The following GRIA1 variants were observed in gnomAD, a reference collection of about 807,000 sequenced individuals.
GRIA1 encodes the protein glutamate receptor 1.
Under a neutral mutation model 99.2 loss-of-function variants are expected in GRIA1, and 31 were observed. The ratio of observed to expected loss-of-function variants is 0.31; its 90% CI spans 0.23 to 0.42. The LOEUF is 0.42. GRIA1 is among the 10% of genes least tolerant of loss of function. The pLI is 1.00. For missense variants in GRIA1, 782 were observed against 1,157.5 expected, an observed-to-expected ratio of 0.68 and a Z score of 4.71; for synonymous variants, 438 against 432.4, an observed-to-expected ratio of 1.01 and a Z score of -0.16.
intron 11 of GRIA1, among the ~76,000 whole-genome samples, chr5:153,729,457 T>A (rs1434263269): frequency 6.6e-6 from 1 of 152,016 alleles, no homozygotes; most frequent in Non-Finnish European, 1.5e-5. Context: ...AGTAGTGCAT[T>A]TTTTAACCAG....
intron 12 of GRIA1, among the ~76,000 whole-genome samples, chr5:153,767,312 G>A (rs1465606686): frequency 6.6e-6 from 1 of 152,176 alleles, no homozygotes; most frequent in Non-Finnish European, 1.5e-5. Flanking sequence ...GCTCAGAAAG[G>A]TTATGCTACT....
chr5:153,610,428 AAG>A (rs1314134711), intron 2 of GRIA1, among the ~76,000 whole-genome samples: 1 of 152,254 alleles, frequency 6.6e-6, no homozygotes, highest in Non-Finnish European at 1.5e-5. Context: ...AAACCCTACA[AAG>A]ATTTCCAGAT....
At chr5:153,755,166 G>A (rs1405346362) in intron 11 of GRIA1, among the ~76,000 whole-genome samples, 1 of 152,168 alleles carries the variant, frequency 6.6e-6, no homozygotes, top group East Asian at 1.9e-4. Context: ...ACAAGGCCTC[G>A]AGGCTCATCA....
At chr5:153,529,924 T>C (rs146953468) in intron 2 of GRIA1, among the ~76,000 whole-genome samples, 4 of 152,286 alleles carry the variant, frequency 2.6e-5, no homozygotes, top group Admixed American at 6.5e-5. Flanking sequence ...CTGAGCCTTA[T>C]TACCCTGTTC....
At chr5:153,583,986 T>C (rs1763258002) in intron 2 of GRIA1, among the ~76,000 whole-genome samples, 1 of 152,184 alleles carries the variant, frequency 6.6e-6, no homozygotes, top group Admixed American at 6.5e-5. Flanking sequence ...AGCATTTAAG[T>C]GAATATTTCC....
At chr5:153,597,952 C>A (rs1355213145) in intron 2 of GRIA1, among the ~76,000 whole-genome samples, 1 of 152,008 alleles carries the variant, frequency 6.6e-6, no homozygotes, top group East Asian at 1.9e-4. Flanking sequence ...GTCAAGGCTG[C>A]AGTAAGCCAT....
intron 2 of GRIA1, among the ~76,000 whole-genome samples, chr5:153,520,006 T>G (rs957813156): frequency 6.6e-6 from 1 of 152,166 alleles, no homozygotes; most frequent in African/African-American, 2.4e-5. Flanking sequence ...AGTAAAGAGA[T>G]GTATCTGTGA....
intron 13 of GRIA1, among the ~76,000 whole-genome samples, chr5:153,772,386 C>T (rs1763938516): frequency 6.6e-6 from 1 of 151,880 alleles, no homozygotes; most frequent in African/African-American, 2.4e-5. Context: ...GAAATCATTG[C>T]ACAGTCGATT....
At chr5:153,583,924 G>T (rs546205587) in intron 2 of GRIA1, among the ~76,000 whole-genome samples, 1 of 152,138 alleles carries the variant, frequency 6.6e-6, no homozygotes, top group African/African-American at 2.4e-5. Flanking sequence ...AATGTGCCAA[G>T]CTGCCTTTTG....
chr5:153,702,078 G>A (rs1758571606), intron 10 of GRIA1, among the ~76,000 whole-genome samples: 1 of 152,210 alleles, frequency 6.6e-6, no homozygotes, highest in Non-Finnish European at 1.5e-5. Flanking sequence ...CACAGCTAGT[G>A]AAAGCAGAGT....
At position 153,526,534 on chromosome 5, in the gene GRIA1, CTT is replaced by C. The variant is rs545999006; in HGVS notation, c.220+32471_220+32472del. 3.7e-3 allele frequency among the ~76,000 whole-genome samples: 561 copies of C among 152,250 alleles called. 2 individuals carry two copies. Among genetic ancestry groups the C allele is most frequent in the African/African-American group, 0.013 (541 of 41,552 alleles). ...CAACCTGTATCAGTCCCAGAAATGT[CTT>C]TAAATATTTTTCTGATCTTTGAAAC... On this transcript the variant is annotated intron_variant, in intron 2 of 15. Transcript: ENST00000285900.
intron 2 of GRIA1, chr5:153,494,284 T>C: frequency 5.5e-6 from 3 of 542,544 alleles, no homozygotes; most frequent in Non-Finnish European, 9.8e-6. Context: ...TTTTTCACTG[T>C]CAGCTAACTT....
chr5:153,740,525 C>T (rs371714417), intron 11 of GRIA1, among the ~76,000 whole-genome samples: 7 of 152,330 alleles, frequency 4.6e-5, no homozygotes, highest in African/African-American at 1.7e-4. Flanking sequence ...AGGAATGTGG[C>T]CAACCACTAT....
At chr5:153,569,800 T>C (rs1230767923) in intron 2 of GRIA1, among the ~76,000 whole-genome samples, 2 of 152,132 alleles carry the variant, frequency 1.3e-5, no homozygotes, top group Non-Finnish European at 2.9e-5. Context: ...ATATATTAGC[T>C]CTTACGGACC....
At chr5:153,625,261 A>G (rs1767484007) in intron 2 of GRIA1, among the ~76,000 whole-genome samples, 1 of 151,496 alleles carries the variant, frequency 6.6e-6, no homozygotes, top group Non-Finnish European at 1.5e-5. Context: ...TTTGATTTCT[A>G]CTCCTACTTC....
At chr5:153,546,712 G>C (rs1480350696) in intron 2 of GRIA1, among the ~76,000 whole-genome samples, 4 of 152,180 alleles carry the variant, frequency 2.6e-5, no homozygotes, top group Non-Finnish European at 5.9e-5. Context: ...TGCTCCCACA[G>C]CTGACACTCC....
At chr5:153,693,212 G>C (rs966858498) in intron 8 of GRIA1, among the ~76,000 whole-genome samples, 1 of 152,146 alleles carries the variant, frequency 6.6e-6, no homozygotes, top group Non-Finnish European at 1.5e-5. Flanking sequence ...AACTCTGCTG[G>C]AGATTTTTGG....
In GRIA1 at chr5:153,647,020, C is replaced by A; in HGVS notation, c.313C>A (p.His105Asn). The A allele has an allele frequency of 6.2e-7, 1 of 1,613,960 alleles. No homozygotes were observed. The highest frequency in any genetic ancestry group is 8.5e-7 in the Non-Finnish European group (1 of 1,179,902). ...GCTGACCTCCTTTTGTGGGGCCCTC[C>A]ACGTCTGCTTCATTACGCCGAGCTT... is the stretch of plus-strand genomic sequence containing the variant. ...NMLTSFCGALHVCFITPSFPV... is the reference protein window; with the variant it reads ...NMLTSFCGALNVCFITPSFPV... Residue 105 changes from histidine to asparagine, a missense_variant, in exon 3 of 16, where the codon CAC becomes AAC. By Grantham distance (68) the His-to-Asn change is moderately conservative. Transcript: ENST00000285900.
intron 8 of GRIA1, 140 bp from the exon 9 acceptor site, chr5:153,697,904 C>T: frequency 2.0e-6 from 1 of 503,288 alleles, no homozygotes; most frequent in Non-Finnish European, 3.6e-6. Flanking sequence ...TTTCTGTTTA[C>T]CAATATTTTA....
Sources: allele counts gnomAD v4.1 joint callset (sites outside exome capture counted in the v4.1 genomes callset), GRCh38; gene constraint gnomAD v4.1.1; transcripts MANE v1.5; gene names NCBI Gene and HGNC (gene_info 2026-07-23, HGNC 2026-07-21).